Variants in AGBL4 observed in about 807,000 individuals in gnomAD.
The protein encoded by AGBL4 is AGBL carboxypeptidase 4.
Under a neutral mutation model 66.4 loss-of-function variants are expected in AGBL4, and 58 were observed. The observed-to-expected ratio is 0.87, with a 90% CI of 0.71 to 1.09. AGBL4 has a LOEUF of 1.09. Ranked by LOEUF, AGBL4 falls within the 50% of genes least tolerant of loss-of-function variation. The pLI is 0.00. For synonymous variants in AGBL4, 234 were observed against 222.9 expected (o/e 1.05, Z -0.44); for missense variants, 579 against 631.0 (o/e 0.92, Z 0.88).
intron 3 of AGBL4, among the ~76,000 whole-genome samples, chr1:49,290,854 A>G (rs1445866453): frequency 6.6e-6 from 1 of 152,182 alleles, no homozygotes; most frequent in Non-Finnish European, 1.5e-5. Context: ...AAATTAATTA[A>G]TTAAAATTAG....
intron 2 of AGBL4, among the ~76,000 whole-genome samples, chr1:49,710,253 T>C (rs1223362642): frequency 6.6e-6 from 1 of 152,166 alleles, no homozygotes; most frequent in African/African-American, 2.4e-5. Flanking sequence ...TGGAATACTA[T>C]GCAGCCATAA....
At chr1:49,213,286 T>A (rs1648816133) in intron 4 of AGBL4, among the ~76,000 whole-genome samples, 2 of 152,140 alleles carry the variant, frequency 1.3e-5, no homozygotes, top group Admixed American at 1.3e-4. Context: ...TATTGACTGC[T>A]GGATCAATGT....
At chr1:49,156,025 A>G (rs1291683190) in intron 4 of AGBL4, among the ~76,000 whole-genome samples, 2 of 152,332 alleles carry the variant, frequency 1.3e-5, no homozygotes, top group East Asian at 1.9e-4. Context: ...TCAGACGTTT[A>G]TTGAATACCA....
intron 3 of AGBL4, among the ~76,000 whole-genome samples, chr1:49,341,799 G>A (rs1381752537): frequency 2.0e-5 from 3 of 152,118 alleles, no homozygotes; most frequent in South Asian, 2.1e-4. Flanking sequence ...CGGATTCAGC[G>A]TTCAGATGGG....
At chr1:49,247,124 A>C (rs939541544) in intron 3 of AGBL4, among the ~76,000 whole-genome samples, 1 of 152,108 alleles carries the variant, frequency 6.6e-6, no homozygotes, top group Non-Finnish European at 1.5e-5. Context: ...TAAGATGTCC[A>C]TGATTTTTAC....
At chr1:48,749,870 A>G (rs1322504633) in intron 6 of AGBL4, among the ~76,000 whole-genome samples, 1 of 152,204 alleles carries the variant, frequency 6.6e-6, no homozygotes, top group Non-Finnish European at 1.5e-5. Flanking sequence ...AGGCCCACAC[A>G]TGTATTCAAT....
In AGBL4 at chr1:48,867,215, C is replaced by G. The variant is rs777348285; in HGVS notation, c.610G>C (p.Asp204His). The stretch of plus-strand genomic sequence containing the variant: ...CCAGGGCTGGTTATCGTCAGGAGGT[C>G]AAGCTTTCGTTGTTGCTGCAAAAGA... ...LGQSVQQRKL[D>H]LLTITSPDNL... Residue 204 changes from aspartate (D) to histidine (H), a missense_variant, in exon 6 of 14, where the codon GAC (aspartate) becomes CAC (histidine). Physicochemically the swap from Asp to His is moderately conservative, Grantham distance 81. Transcript: ENST00000371839. 1 of 1,613,594 alleles carries G rather than the reference C, an allele frequency of 6.2e-7. No individual in the cohort carries two copies. The highest frequency in any genetic ancestry group is 8.5e-7 in the Non-Finnish European group (1 of 1,179,760).
chr1:49,828,788 A>G (rs1645577285), intron 2 of AGBL4, among the ~76,000 whole-genome samples: 1 of 152,210 alleles, frequency 6.6e-6, no homozygotes. Flanking sequence ...AGGAAGCAAG[A>G]GGCCAGCCGC....
chr1:48,776,842 G>A (rs1290904816), intron 6 of AGBL4: 2 of 1,492,434 alleles, frequency 1.3e-6, no homozygotes, highest in East Asian at 2.9e-5. Context: ...GGTGGGCGCC[G>A]GGGGCGGGCC....
At chr1:49,538,549 T>G (rs1316374741) in intron 3 of AGBL4, among the ~76,000 whole-genome samples, 1 of 152,134 alleles carries the variant, frequency 6.6e-6, no homozygotes, top group Non-Finnish European at 1.5e-5. Flanking sequence ...TTACTTTCAG[T>G]GAATGGAAGT....
At chr1:48,671,783 T>C (rs1033960818) in intron 6 of AGBL4, among the ~76,000 whole-genome samples, 1 of 152,202 alleles carries the variant, frequency 6.6e-6, no homozygotes, top group Non-Finnish European at 1.5e-5. Context: ...CAATTTGTAT[T>C]CCCAGTGCCT....
At chr1:49,481,608 AC>A (rs1326830982) in intron 3 of AGBL4, among the ~76,000 whole-genome samples, 1 of 151,924 alleles carries the variant, frequency 6.6e-6, no homozygotes, top group African/African-American at 2.4e-5. Flanking sequence ...CTATTTGAAT[AC>A]CCTTTATTTC....
intron 3 of AGBL4, among the ~76,000 whole-genome samples, chr1:49,541,404 G>A (rs1163846333): frequency 1.3e-5 from 2 of 152,188 alleles, no homozygotes; most frequent in East Asian, 3.9e-4. Flanking sequence ...GTGGGCATGG[G>A]CTCAGCAGAC....
chr1:49,047,871 T>C (rs1186849093), intron 4 of AGBL4, among the ~76,000 whole-genome samples: 1 of 151,902 alleles, frequency 6.6e-6, no homozygotes, highest in Non-Finnish European at 1.5e-5. Context: ...AAGTGGAAGA[T>C]GAAGAGGTCT....
chr1:49,601,052 C>T (rs2124160385), intron 3 of AGBL4, among the ~76,000 whole-genome samples: 1 of 152,200 alleles, frequency 6.6e-6, no homozygotes, highest in South Asian at 2.1e-4. Flanking sequence ...TCTCTGGCTG[C>T]CCTTAACATT....
intron 3 of AGBL4, among the ~76,000 whole-genome samples, chr1:49,568,157 A>T (rs534582128): frequency 1.3e-5 from 2 of 152,094 alleles, no homozygotes; most frequent in Non-Finnish European, 2.9e-5. Flanking sequence ...AAGTAAAAGA[A>T]AAAAAATAAA....
chr1:48,776,880 G>T, intron 6 of AGBL4: 1 of 1,327,756 alleles, frequency 7.5e-7, no homozygotes, highest in Non-Finnish European at 1.0e-6. Flanking sequence ...CCCGCGGGGC[G>T]GGCGCGGAGG....
In AGBL4 at chr1:48,596,927, T is replaced by C. The variant is rs550285334; in HGVS notation, c.952-5942A>G. 2.4e-4 allele frequency among the ~76,000 whole-genome samples: 36 copies of C among 152,242 alleles called. No homozygotes were observed. The South Asian group carries it at 7.1e-3, about 30-fold the overall frequency. On this transcript the variant is annotated intron_variant, in intron 9 of 13. Transcript: ENST00000371839. The stretch of plus-strand genomic sequence containing the variant: ...CAGCCAGCTCAAGGAACCAAGGGGA[T>C]GGGCCACGGGCACTTCACCTCCTGC...
chr1:49,790,719 G>T (rs1159507701), intron 2 of AGBL4, among the ~76,000 whole-genome samples: 1 of 152,074 alleles, frequency 6.6e-6, no homozygotes, highest in South Asian at 2.1e-4. Context: ...AAAACAGAGG[G>T]GATTCAGTGC....
Sources: gnomAD v4.1 joint callset for allele counts (sites outside exome capture counted in the v4.1 genomes callset) on GRCh38, gnomAD v4.1.1 for gene constraint, MANE v1.5 for transcripts, NCBI Gene and HGNC (gene_info 2026-07-23, HGNC 2026-07-21) for gene names.